Variants in SEPTIN9 observed in about 807,000 individuals in gnomAD.
The protein encoded by SEPTIN9 is septin-9.
SEPTIN9 carries 13 observed loss-of-function variants against 56.6 expected under a neutral mutation model. That is an observed-to-expected ratio of 0.23 (90% CI 0.15 to 0.37). The LOEUF (loss-of-function observed/expected upper bound fraction) is 0.37. SEPTIN9 is among the 10% of genes least tolerant of loss of function. The pLI, the probability that SEPTIN9 is intolerant of heterozygous loss-of-function variation, is 1.00. For missense variants in SEPTIN9, 650 were observed against 823.1 expected (o/e 0.79, Z 2.57); for synonymous variants, 332 against 334.1 (o/e 0.99, Z 0.07).
intron 2 of SEPTIN9, among the ~76,000 whole-genome samples, chr17:77,392,038 TC>T (rs2144039739): frequency 6.6e-6 from 1 of 152,072 alleles, no homozygotes; most frequent in South Asian, 2.1e-4. Context: ...GGGTGGAGGG[TC>T]CCCTTGCAGC....
intron 2 of SEPTIN9, among the ~76,000 whole-genome samples, chr17:77,309,186 A>G (rs1167934848): frequency 2.0e-5 from 3 of 152,220 alleles, no homozygotes; most frequent in East Asian, 3.9e-4. Context: ...CCTGGGCTGC[A>G]TGGACACAGC....
chr17:77,458,794 C>A (rs967291251), intron 3 of SEPTIN9, among the ~76,000 whole-genome samples: 1 of 152,182 alleles, frequency 6.6e-6, no homozygotes, highest in African/African-American at 2.4e-5. Flanking sequence ...AGTACACACC[C>A]AGCTCTAAGA....
rs2035918481 is a variant in SEPTIN9, at chr17:77,402,075, T to C, written c.93T>C (p.Phe31=). Residue 31 remains phenylalanine (F), a synonymous_variant, in exon 3 of 12, where the codon TTT becomes TTC. Coordinates refer to ENST00000427177, the MANE Select transcript of SEPTIN9 (RefSeq NM_001113491.2). This position sits in a 1 kb window ranked among gnomAD's most constrained non-coding sequence, Gnocchi z 6.6. ...DSSGPALKRS[F]EVEEVETPNS... ...ATTTTTCAGCCTTGAAAAGATCTTTTGAGGTCGAGGAGGTCGAGACACCCA... is the reference window on the plus strand; with the variant it reads ...ATTTTTCAGCCTTGAAAAGATCTTTCGAGGTCGAGGAGGTCGAGACACCCA... 6.2e-7 allele frequency: 1 copy of C among 1,612,686 alleles called. No individual in the cohort carries two copies. Among genetic ancestry groups the C allele is most frequent in the African/African-American group, 1.3e-5 (1 of 74,846 alleles).
rs557458234 is a variant in SEPTIN9 at position 77,397,348 on chromosome 17, A to G, written c.77-4711A>G. ...CCCCACCGTGTCTCTTTGTGTCCCA[A>G]GTCCCCTTCTGCCTTTCTCCTATAA... On this transcript the variant is annotated intron_variant, in intron 2 of 11. Transcript: ENST00000427177. Among the ~76,000 whole-genome samples the G allele has an allele frequency of 1.3e-3, 191 of 152,202 alleles. 3 individuals carry two copies. The highest frequency in any genetic ancestry group is 3.4e-3 in the Middle Eastern group (1 of 294).
At chr17:77,452,879 G>A (rs991607449) in intron 3 of SEPTIN9, among the ~76,000 whole-genome samples, 63 of 149,674 alleles carry the variant, frequency 4.2e-4, no homozygotes, top group Non-Finnish European at 7.0e-4. Context: ...TCTAGTATAC[G>A]AGTCCTTGTT....
At chr17:77,287,919 T>G in intron 1 of SEPTIN9, 2 of 1,042,362 alleles carry the variant, frequency 1.9e-6, no homozygotes, top group Non-Finnish European at 1.2e-6. Flanking sequence ...CCAGGCTGCC[T>G]GCTGTCTCTG....
Position 77,475,520 on chromosome 17 carries a change from T to C in SEPTIN9, c.722-6624T>C, listed in dbSNP as rs746223748. 14 of 1,610,974 alleles carry C rather than the reference T, an allele frequency of 8.7e-6. No individual in the cohort carries two copies. In the Admixed American group the frequency reaches 1.7e-4, roughly 19 times the overall value. On this transcript the variant is annotated intron_variant, in intron 3 of 11. Coordinates refer to ENST00000427177, the MANE Select transcript of SEPTIN9 (RefSeq NM_001113491.2). The surrounding 1 kb of genome is among the most constrained non-coding windows in gnomAD (Gnocchi z 4.6). The stretch of plus-strand genomic sequence containing the variant: ...GTTTATAGGACCTGAAGTGCCCCCA[T>C]GGGCTCAAGTTTCTGGGAAGGCCTG...
chr17:77,325,405 G>A (rs946281257), intron 2 of SEPTIN9, among the ~76,000 whole-genome samples: 1 of 152,216 alleles, frequency 6.6e-6, no homozygotes, highest in African/African-American at 2.4e-5. Flanking sequence ...TCCGCTGGGT[G>A]GCGGGGAGGA....
Position 77,402,520 on chromosome 17 carries a change from G to A in SEPTIN9, c.538G>A (p.Ala180Thr), listed in dbSNP as rs199861986. Residue 180 changes from alanine (A) to threonine (T), a missense_variant, in exon 3 of 12, where the codon GCC (alanine) becomes ACC (threonine). Coordinates refer to ENST00000427177, the MANE Select transcript of SEPTIN9 (RefSeq NM_001113491.2). This position sits in a 1 kb window ranked among gnomAD's most constrained non-coding sequence, Gnocchi z 6.6. ...GGTCCCCGAGGTGCCCACTGCCCCT[G>A]CCACCGACGCAGCCCCCAAGAGGGT... ...SKVPEVPTAP[A>T]TDAAPKRVEI... The A allele has an allele frequency of 8.5e-5, 137 of 1,604,148 alleles. 1 individual carries two copies. The highest frequency in any genetic ancestry group is 3.9e-4 in the South Asian group (35 of 89,590).
At chr17:77,375,989 G>A in intron 2 of SEPTIN9, 2 of 508,206 alleles carry the variant, frequency 3.9e-6, no homozygotes, top group Non-Finnish European at 5.1e-6. Flanking sequence ...AGGAGGTGGA[G>A]GAGAGAGTGT....
chr17:77,393,509 C>G (rs1383120817), intron 2 of SEPTIN9, among the ~76,000 whole-genome samples: 1 of 152,148 alleles, frequency 6.6e-6, no homozygotes, highest in Non-Finnish European at 1.5e-5. Flanking sequence ...AGACACACAC[C>G]CAGGAGATGG....
chr17:77,477,942 A>G (rs2039291988), intron 3 of SEPTIN9, among the ~76,000 whole-genome samples: 1 of 152,136 alleles, frequency 6.6e-6, no homozygotes, highest in African/African-American at 2.4e-5. Flanking sequence ...TGTTCGTAGC[A>G]GGGCGAGGCC....
Position 77,319,906 on chromosome 17 carries a change from G to A in SEPTIN9, c.76+12709G>A, listed in dbSNP as rs1874380894. On this transcript the variant is annotated intron_variant, in intron 2 of 11. Transcript: ENST00000427177. The surrounding 1 kb of genome is among the most constrained non-coding windows in gnomAD (Gnocchi z 5.3). ...GGGGCTGGAGGAGGTGGAGAGAGGA[G>A]GCTGCCGGAAGCCGCACTCGGGACC... is the stretch of plus-strand genomic sequence containing the variant. The A allele has an allele frequency of 1.8e-6, 2 of 1,104,538 alleles. No homozygotes were observed. The highest frequency in any genetic ancestry group is 2.2e-6 in the Non-Finnish European group (2 of 903,952). The allele number at this position is 1,104,538 out of a possible 1,614,324, so 68.4% of individuals were successfully genotyped here. A position where few individuals can be genotyped will look rare whatever the true frequency, so the allele number is the denominator to read the frequency against.
At chr17:77,424,601 G>T (rs893005412) in intron 3 of SEPTIN9, among the ~76,000 whole-genome samples, 57 of 152,208 alleles carry the variant, frequency 3.7e-4, no homozygotes, top group African/African-American at 1.3e-3. Flanking sequence ...TCCTGTGAGG[G>T]CCTCGGGGTC....
At chr17:77,316,659 T>C (rs2032718372) in intron 2 of SEPTIN9, among the ~76,000 whole-genome samples, 1 of 151,840 alleles carries the variant, frequency 6.6e-6, no homozygotes, top group South Asian at 2.1e-4. Flanking sequence ...CAGCAGGAGT[T>C]CGTATGGAGA....
chr17:77,498,500 C>G, intron 11 of SEPTIN9, 23 bp from the exon 12 acceptor site: 1 of 620,034 alleles, frequency 1.6e-6, no homozygotes, highest in Non-Finnish European at 2.9e-6. Flanking sequence ...CCTCACTGAC[C>G]CGCCCGCCCC....
chr17:77,453,001 T>C lies in SEPTIN9; in HGVS notation c.722-29143T>C, dbSNP rs9903681. Among the ~76,000 whole-genome samples the C allele has an allele frequency of 0.017, 2,648 of 151,702 alleles. 87 individuals are homozygous for C. The highest frequency in any genetic ancestry group is 0.061 in the African/African-American group (2,513 of 41,274). The stretch of plus-strand genomic sequence containing the variant: ...AATGCTCGTCTCTGGAGACCTGAGT[T>C]GCTGCTGACTCCCAGCTTGCCCCTT... On this transcript the variant is annotated intron_variant, in intron 3 of 11. Coordinates refer to ENST00000427177, the MANE Select transcript of SEPTIN9 (RefSeq NM_001113491.2). The surrounding 1 kb of genome is among the most constrained non-coding windows in gnomAD (Gnocchi z 4.4).
intron 2 of SEPTIN9, among the ~76,000 whole-genome samples, chr17:77,356,965 C>T (rs2034274396): frequency 6.6e-6 from 1 of 151,554 alleles, no homozygotes; most frequent in Admixed American, 6.6e-5. Flanking sequence ...ACTCAGGACA[C>T]CTGCCAGGTC....
chr17:77,402,768 A>G lies in SEPTIN9; in HGVS notation c.721+65A>G, dbSNP rs1406109730. 2.0e-6 allele frequency: 3 copies of G among 1,481,496 alleles called. No homozygotes were observed. The African/African-American group carries it at 4.2e-5, about 21-fold the overall frequency. 91.8% of individuals were successfully genotyped at this position (1,481,496 alleles called of 1,614,324 possible). A position where few individuals can be genotyped will look rare whatever the true frequency, so the allele number is the denominator to read the frequency against. On this transcript the variant is annotated intron_variant, in intron 3 of 11. Transcript: ENST00000427177. The surrounding 1 kb of genome is among the most constrained non-coding windows in gnomAD (Gnocchi z 6.6). ...GGGGGGCCTGGTTGCTGGCTTTGCC[A>G]CAGAATCTTGGAGGAAGAAGCTGGA...
Sources: gnomAD v4.1 joint callset for allele counts (sites outside exome capture counted in the v4.1 genomes callset) on GRCh38, gnomAD v4.1.1 for gene constraint, Gnocchi (gnomAD v3.1) non-coding constraint, MANE v1.5 for transcripts, NCBI Gene and HGNC (gene_info 2026-07-23, HGNC 2026-07-21) for gene names.